The following MOB1B variants were observed in gnomAD, a reference collection of about 807,000 sequenced individuals.
MOB1B encodes MOB kinase activator 1B.
Under a neutral mutation model 24.4 loss-of-function variants are expected in MOB1B, and 19 were observed. The ratio of observed to expected loss-of-function variants is 0.78; its 90% confidence interval spans 0.54 to 1.14. MOB1B has a LOEUF of 1.14. Ranked by LOEUF, MOB1B falls within the 50% of genes most tolerant of loss-of-function variation. The pLI is 0.00. For missense variants in MOB1B, 243 were observed against 259.6 expected, an observed-to-expected ratio of 0.94 and a Z score of 0.44; for synonymous variants, 76 against 82.1, an observed-to-expected ratio of 0.93 and a Z score of 0.40.
In MOB1B at chr4:70,971,365, C is replaced by T. The variant is rs1398491471; in HGVS notation, c.275+1341C>T. Among the ~76,000 whole-genome samples the T allele has an allele frequency of 7.2e-5, 11 of 151,880 alleles. 1 individual carries two copies. In the East Asian group the frequency reaches 1.4e-3, roughly 19 times the overall value. ...ATTAATAATAGAAAAATTAGCTGGG[C>T]GTGGTGGTGTGCATCTGTAATCCCA... On this transcript the variant is annotated intron_variant, in intron 3 of 5. Coordinates refer to ENST00000309395, the MANE Select transcript of MOB1B (RefSeq NM_173468.4).
chr4:70,973,491 A>C (rs1023571785), intron 3 of MOB1B, among the ~76,000 whole-genome samples: 6 of 151,654 alleles, frequency 4.0e-5, no homozygotes, highest in Admixed American at 1.3e-4. Context: ...AAAAAAAAAA[A>C]AACATAATGA....
rs981797481 is a variant in MOB1B at position 70,984,037 on chromosome 4, A to G, written c.*1980A>G. 1 of 152,590 alleles carries G rather than the reference A, an allele frequency of 6.6e-6. No individual in the cohort carries two copies. The highest frequency in any genetic ancestry group is 2.4e-5 in the African/African-American group (1 of 41,456). 9.5% of individuals were successfully genotyped at this position (152,590 alleles called of 1,614,324 possible). On this transcript the variant is annotated 3_prime_UTR_variant, in exon 6 of 6. Transcript: ENST00000309395. ...TCTTCCATATTGTATTTGACTTCAT[A>G]TCAATCTAGTAAAAAAGGAGTTGCA... is the stretch of plus-strand genomic sequence containing the variant.
Position 70,984,257 on chromosome 4 carries a change from G to GTA in MOB1B, c.*2206_*2207dup, listed in dbSNP as rs1419622029. 6.6e-6 allele frequency: 1 copy of GTA among 152,144 alleles called. No individual in the cohort carries two copies. The highest frequency in any genetic ancestry group is 1.5e-5 in the Non-Finnish European group (1 of 68,002). 9.4% of individuals were successfully genotyped at this position (152,144 alleles called of 1,614,324 possible). On this transcript the variant is annotated 3_prime_UTR_variant, in exon 6 of 6. Coordinates refer to ENST00000309395, the MANE Select transcript of MOB1B (RefSeq NM_173468.4). Reference sequence around the variant, plus strand: ...CACAGTCACTGGGAAGTAAGGAGATGTATATATGTGTATATATGGTAACAA... The same window carrying GTA: ...CACAGTCACTGGGAAGTAAGGAGATGTATATATATGTGTATATATGGTAACAA...
At chr4:70,961,418 C>A (rs888303697) in intron 2 of MOB1B, among the ~76,000 whole-genome samples, 3 of 152,174 alleles carry the variant, frequency 2.0e-5, no homozygotes, top group African/African-American at 7.2e-5. Flanking sequence ...CAGAATGGCA[C>A]ACAATTTAAA....
chr4:70,968,386 A>G (rs908315605), intron 2 of MOB1B, among the ~76,000 whole-genome samples: 3 of 152,112 alleles, frequency 2.0e-5, no homozygotes, highest in Non-Finnish European at 4.4e-5. Context: ...ATCTCGGGTC[A>G]CTGCAACCTC....
At chr4:70,942,857 CAAAAT>C (rs33983463) in intron 1 of MOB1B, 833,432 of 907,492 alleles carry the variant, frequency 0.92, 390,757 homozygotes, top group Non-Finnish European at 0.96. Flanking sequence ...ATGAAAGACT[CAAAAT>C]AAAGAACTGG....
intron 1 of MOB1B, chr4:70,950,781 C>G (rs1737772800): frequency 1.3e-6 from 2 of 1,532,568 alleles, no homozygotes; most frequent in Non-Finnish European, 1.7e-6. Context: ...GGACTTAGAC[C>G]TATGGAAGGA....
chr4:70,949,476 G>A (rs1355973073), intron 1 of MOB1B, among the ~76,000 whole-genome samples: 1 of 152,176 alleles, frequency 6.6e-6, no homozygotes, highest in Non-Finnish European at 1.5e-5. Flanking sequence ...CTGCCTTTCT[G>A]AAAGCGTGGA....
At chr4:70,980,171 A>G (rs1053850646) in intron 5 of MOB1B, among the ~76,000 whole-genome samples, 1 of 152,212 alleles carries the variant, frequency 6.6e-6, no homozygotes, top group Non-Finnish European at 1.5e-5. Context: ...CACTCCTCAC[A>G]CTGAAGGCAC....
chr4:70,979,083 T>C (rs1173678007), intron 4 of MOB1B, 45 bp from the exon 5 acceptor site: 18 of 1,501,538 alleles, frequency 1.2e-5, no homozygotes, highest in Non-Finnish European at 1.7e-5. Context: ...CATTGTCTTG[T>C]TGTCATCTCT....
At chr4:70,902,821 C>T (rs1354715988) in intron 1 of MOB1B, among the ~76,000 whole-genome samples, 2 of 152,202 alleles carry the variant, frequency 1.3e-5, no homozygotes, top group African/African-American at 4.8e-5. Context: ...CGCCTGGATT[C>T]CTTCATCACC....
At chr4:70,976,281 C>T (rs781298842) in intron 4 of MOB1B, 5 of 983,978 alleles carry the variant, frequency 5.1e-6, no homozygotes, top group Admixed American at 6.2e-5. Flanking sequence ...ACATCTGCCA[C>T]AGTTGTATCT....
intron 3 of MOB1B, among the ~76,000 whole-genome samples, chr4:70,974,459 A>G (rs561548313): frequency 2.0e-5 from 3 of 152,220 alleles, no homozygotes; most frequent in Non-Finnish European, 2.9e-5. Context: ...TGCGTTTTCT[A>G]CTAGCCTGTT....
In MOB1B at chr4:70,982,671, A is replaced by G. The variant is rs1178916288; in HGVS notation, c.*614A>G. 1 of 152,598 alleles carries G rather than the reference A, an allele frequency of 6.6e-6. No individual in the cohort carries two copies. The highest frequency in any genetic ancestry group is 1.9e-4 in the East Asian group (1 of 5,204). 9.5% of individuals were successfully genotyped at this position (152,598 alleles called of 1,614,324 possible). On this transcript the variant is annotated 3_prime_UTR_variant, in exon 6 of 6. Coordinates refer to ENST00000309395, the MANE Select transcript of MOB1B (RefSeq NM_173468.4). The stretch of plus-strand genomic sequence containing the variant: ...AAAATATTTCTTAATTATTTTTTAT[A>G]TTGATGGTAATATATTACGTTCAAC...
chr4:70,954,088 A>G (rs1272285887), intron 1 of MOB1B, among the ~76,000 whole-genome samples: 1 of 152,158 alleles, frequency 6.6e-6, no homozygotes, highest in Non-Finnish European at 1.5e-5. Context: ...AGAAATTAAA[A>G]AAATTTTCTT....
At chr4:70,923,777 C>G (rs6847068) in intron 1 of MOB1B, among the ~76,000 whole-genome samples, 151,304 of 151,618 alleles carry the variant, frequency 1, 75,496 homozygotes, top group Middle Eastern at 1. Flanking sequence ...ATGAAACCCC[C>G]TCTCTACTAA....
intron 1 of MOB1B, among the ~76,000 whole-genome samples, chr4:70,945,703 T>G (rs1350795853): frequency 6.6e-6 from 1 of 152,180 alleles, no homozygotes; most frequent in African/African-American, 2.4e-5. Flanking sequence ...TTAGAAACAT[T>G]TCTTATTTTT....
rs991092568 is a variant in MOB1B at position 70,903,969 on chromosome 4, T to C, written c.14+1419T>C. On this transcript the variant is annotated intron_variant, in intron 1 of 5. Coordinates refer to ENST00000309395, the MANE Select transcript of MOB1B (RefSeq NM_173468.4). Reference sequence around the variant, plus strand: ...ATAAAAAAGTCCTTGTTTCTTATTTTAGTTCTTTTTTTTTTTTTTTTTTTT... The same window carrying C: ...ATAAAAAAGTCCTTGTTTCTTATTTCAGTTCTTTTTTTTTTTTTTTTTTTT... 4.0e-4 allele frequency among the ~76,000 whole-genome samples: 55 copies of C among 137,426 alleles called. No individual in the cohort carries two copies. In the Admixed American group the frequency reaches 4.8e-3, roughly 12 times the overall value. The allele number at this position is 137,426 out of a possible 152,430, so 90.2% of individuals were successfully genotyped here. A position where few individuals can be genotyped will look rare whatever the true frequency, so the allele number is the denominator to read the frequency against.
intron 1 of MOB1B, among the ~76,000 whole-genome samples, chr4:70,917,407 T>A (rs72852960): frequency 6.6e-6 from 1 of 152,198 alleles, no homozygotes; most frequent in African/African-American, 2.4e-5. Context: ...ATCTCTGAAC[T>A]TGGGGAAAAA....
Sources: allele counts gnomAD v4.1 joint callset (sites outside exome capture counted in the v4.1 genomes callset), GRCh38; gene constraint gnomAD v4.1.1; transcripts MANE v1.5; gene names NCBI Gene and HGNC (gene_info 2026-07-23, HGNC 2026-07-21).